Variants in CTXN2 observed in about 807,000 individuals in gnomAD.
The protein encoded by CTXN2 is cortexin-2.
Under a neutral mutation model 5.7 loss-of-function variants are expected in CTXN2, and 3 were observed. That is an observed-to-expected ratio of 0.53 (90% CI 0.24 to 1.36). The LOEUF (loss-of-function observed/expected upper bound fraction) is 1.36, where lower values mean the gene tolerates loss of function less well. CTXN2 is among the 40% of genes most tolerant of loss of function. The pLI is 0.17. For synonymous variants in CTXN2, 38 were observed against 36.4 expected, an observed-to-expected ratio of 1.04 and a Z score of -0.16; for missense variants, 87 against 93.0, an observed-to-expected ratio of 0.94 and a Z score of 0.26.
At chr15:48,194,968 C>T (rs184759716) in intron 1 of CTXN2, among the ~76,000 whole-genome samples, 9 of 152,072 alleles carry the variant, frequency 5.9e-5, no homozygotes, top group African/African-American at 1.7e-4. Flanking sequence ...TCTACACAAA[C>T]GTTATTTGAC....
chr15:48,189,900 C>T (rs556411201), upstream of CTXN2: 1 of 152,294 alleles, frequency 6.6e-6, no homozygotes, highest in Non-Finnish European at 1.5e-5. Flanking sequence ...TGTCCGCCTC[C>T]TGAGTTCAAG....
At chr15:48,181,304 C>T (rs1485178355) in intron 1 of CTXN2, among the ~76,000 whole-genome samples, 1 of 152,176 alleles carries the variant, frequency 6.6e-6, no homozygotes, top group African/African-American at 2.4e-5. Context: ...GTGAGGCTTC[C>T]ATTCTTAAGG....
Position 48,200,157 on chromosome 15 carries a change from T to A in CTXN2, c.-57-1087T>A, listed in dbSNP as rs1164672386. Among the ~76,000 whole-genome samples, 3 of 152,072 alleles carry A rather than the reference T, an allele frequency of 2.0e-5. No individual in the cohort carries two copies. The East Asian group carries it at 5.8e-4, about 29-fold the overall frequency. On this transcript the variant is annotated intron_variant, in intron 1 of 1. Coordinates refer to ENST00000417307, the MANE Select transcript of CTXN2 (RefSeq NM_001145668.2). Reference sequence around the variant, plus strand: ...CAAGGGTCAGTAATTTTAATACATATAAGTCTTAAAAATTATCAGAAAAAG... The same window carrying A: ...CAAGGGTCAGTAATTTTAATACATAAAAGTCTTAAAAATTATCAGAAAAAG...
intron 1 of CTXN2, among the ~76,000 whole-genome samples, chr15:48,192,630 T>C (rs1276090662): frequency 2.6e-5 from 4 of 152,204 alleles, no homozygotes; most frequent in Non-Finnish European, 4.4e-5. Flanking sequence ...GGTTTTCTTA[T>C]ATGTCTTATT....
At chr15:48,194,459 C>G (rs944684504) in intron 1 of CTXN2, among the ~76,000 whole-genome samples, 4 of 152,112 alleles carry the variant, frequency 2.6e-5, no homozygotes, top group African/African-American at 9.7e-5. Flanking sequence ...CTCCTAGACT[C>G]TCAACTAAAT....
Position 48,201,863 on chromosome 15 carries a change from C to T in CTXN2, c.*317C>T, listed in dbSNP as rs900917508. The T allele has an allele frequency of 3.2e-6, 1 of 311,802 alleles. No homozygotes were observed. The highest frequency in any genetic ancestry group is 2.2e-5 in the African/African-American group (1 of 46,462). 19.3% of individuals were successfully genotyped at this position (311,802 alleles called of 1,614,324 possible). A position where few individuals can be genotyped will look rare whatever the true frequency, so the allele number is the denominator to read the frequency against. ...TTGTGCTAATAAACTGTGCCAAAGG[C>T]ATCTTGCTCTCTCCCCTCTGAAAAG... On this transcript the variant is annotated 3_prime_UTR_variant, in exon 2 of 2. Transcript: ENST00000417307.
chr15:48,201,470 G>C lies in CTXN2; in HGVS notation c.170G>C (p.Ser57Thr). Reference protein sequence around the residue: ...RCFKILLDPYSSMPSSTWEDE... With the variant: ...RCFKILLDPYTSMPSSTWEDE... ...TTCAAAATCCTGCTAGACCCATATAGTAGCATGCCTTCCTCTACATGGGAA... is the reference window on the plus strand; with the variant it reads ...TTCAAAATCCTGCTAGACCCATATACTAGCATGCCTTCCTCTACATGGGAA... The change falls in exon 2 of 2, where the codon AGT becomes ACT. Residue 57 changes from serine to threonine, a missense_variant. Physicochemically the swap from Ser to Thr is moderately conservative, Grantham distance 58 (BLOSUM62 1). Transcript: ENST00000417307. 6.4e-7 allele frequency: 1 copy of C among 1,551,286 alleles called. No individual in the cohort carries two copies. The highest frequency in any genetic ancestry group is 8.7e-7 in the Non-Finnish European group (1 of 1,146,674).
upstream of CTXN2, among the ~76,000 whole-genome samples, chr15:48,190,364 TA>T (rs1266442805): frequency 6.6e-6 from 1 of 152,210 alleles, no homozygotes. Flanking sequence ...GTCCCTAGAA[TA>T]AGATATGTCT....
At chr15:48,191,925 A>G in intron 1 of CTXN2, 72 bp downstream of exon 1, 1 of 430,798 alleles carries the variant, frequency 2.3e-6, no homozygotes, top group South Asian at 1.7e-5. Context: ...TTCCAAATGC[A>G]GGTCCAGATG....
intron 1 of CTXN2, among the ~76,000 whole-genome samples, chr15:48,178,998 G>A (rs1163035389): frequency 6.6e-6 from 1 of 151,510 alleles, no homozygotes; most frequent in Non-Finnish European, 1.5e-5. Flanking sequence ...ATGGACATTT[G>A]AGGTTTTGAC....
At chr15:48,201,161 G>A (rs565215385) in intron 1 of CTXN2, 83 bp from the exon 2 acceptor site, 1 of 819,600 alleles carries the variant, frequency 1.2e-6, no homozygotes, top group African/African-American at 1.7e-5. Context: ...AAGAAGGTTT[G>A]AAAAACGTCA....
At chr15:48,197,333 G>A (rs888246053) in intron 1 of CTXN2, among the ~76,000 whole-genome samples, 1 of 152,042 alleles carries the variant, frequency 6.6e-6, no homozygotes, top group Non-Finnish European at 1.5e-5. Context: ...AACTAAAGGA[G>A]TGCTGCTTAT....
At position 48,202,679 on chromosome 15, in the gene CTXN2, C is replaced by T. The variant is rs891256199; in HGVS notation, c.*1133C>T. ...AACCATAAAACAGTATCTAAACATA[C>T]CTTGCTATCAATATTTATTGTCCTC... On this transcript the variant is annotated 3_prime_UTR_variant, in exon 2 of 2. Transcript: ENST00000417307. 6.0e-6 allele frequency: 1 copy of T among 166,960 alleles called. No homozygotes were observed. The highest frequency in any genetic ancestry group is 1.5e-5 in the Non-Finnish European group (1 of 68,092). The allele number at this position is 166,960 out of a possible 1,614,324, so 10.3% of individuals were successfully genotyped here.
At chr15:48,191,542 C>A, upstream of CTXN2, 1 of 370,546 alleles carries the variant, frequency 2.7e-6, no homozygotes, top group South Asian at 2.0e-5. Flanking sequence ...CATACACACA[C>A]AGATGCTGCC....
chr15:48,189,625 T>C (rs1296325980), upstream of CTXN2: 1 of 152,230 alleles, frequency 6.6e-6, no homozygotes, highest in Non-Finnish European at 1.5e-5. Context: ...AAAAAATTGT[T>C]CATACTGTAC....
upstream of CTXN2, chr15:48,191,082 AGTTGT>A (rs1444446910): frequency 6.6e-6 from 1 of 152,394 alleles, no homozygotes; most frequent in Non-Finnish European, 1.5e-5. Context: ...AAGGGGATTC[AGTTGT>A]GTTTGTGTGG....
chr15:48,186,137 T>G lies in CTXN2; in HGVS notation c.-454-5320T>G, dbSNP rs1484731555. Among the ~76,000 whole-genome samples the G allele has an allele frequency of 3.9e-5, 6 of 152,280 alleles. No homozygotes were observed. In the East Asian group the frequency reaches 1.2e-3, roughly 29 times the overall value. On this transcript the variant is annotated intron_variant, in intron 1 of 2. Coordinates refer to the CTXN2 transcript ENST00000644354. ...TGCCCAAGGTACCCTCTCATACTCA[T>G]TAGATTCAACAGTGAATATAGTGGA...
At chr15:48,195,000 C>T (rs1322980626) in intron 1 of CTXN2, among the ~76,000 whole-genome samples, 2 of 152,072 alleles carry the variant, frequency 1.3e-5, no homozygotes, top group Non-Finnish European at 2.9e-5. Flanking sequence ...AAAATATTCT[C>T]CCCATCAAAA....
rs1323212304 is a variant in CTXN2, at chr15:48,191,724, C to T, written c.-187C>T. Reference sequence around the variant, plus strand: ...GGCCAGGAAAGCGCTAACCAGGGCCCTGTGACTCTACGCAGGTTCCAGAAC... The same window carrying T: ...GGCCAGGAAAGCGCTAACCAGGGCCTTGTGACTCTACGCAGGTTCCAGAAC... On this transcript the variant is annotated 5_prime_UTR_variant, in exon 1 of 2. Transcript: ENST00000417307. The T allele has an allele frequency of 1.1e-5, 5 of 455,944 alleles. No individual in the cohort carries two copies. The highest frequency in any genetic ancestry group is 2.2e-5 in the Non-Finnish European group (5 of 226,810). The allele number at this position is 455,944 out of a possible 1,614,324, so 28.2% of individuals were successfully genotyped here.
Sources: gnomAD v4.1 joint callset for allele counts (sites outside exome capture counted in the v4.1 genomes callset) on GRCh38, gnomAD v4.1.1 for gene constraint, MANE v1.5 for transcripts, NCBI Gene and HGNC (gene_info 2026-07-23, HGNC 2026-07-21) for gene names.